Variants in LYPD5 observed in about 807,000 individuals in gnomAD.
LYPD5 encodes the protein ly6/PLAUR domain-containing protein 5.
A neutral mutation model predicts 19.1 loss-of-function variants in LYPD5; 21 were observed. That is an observed-to-expected ratio of 1.10 (90% CI 0.78 to 1.58). The LOEUF (loss-of-function observed/expected upper bound fraction) is 1.58, where lower values mean the gene tolerates loss of function less well. LYPD5 is among the 40% of genes most tolerant of loss of function. The pLI, the probability that LYPD5 is intolerant of heterozygous loss-of-function variation, is 0.00. For synonymous variants in LYPD5, 128 were observed against 142.7 expected, an observed-to-expected ratio of 0.90 and a Z score of 0.74; for missense variants, 287 against 329.8, an observed-to-expected ratio of 0.87 and a Z score of 1.00.
At chr19:43,812,668 G>A (rs555239262) in intron 1 of LYPD5, among the ~76,000 whole-genome samples, 1 of 152,190 alleles carries the variant, frequency 6.6e-6, no homozygotes, top group Admixed American at 6.5e-5. Context: ...AGACCTACAA[G>A]GCCAACTAAT....
At chr19:43,798,428 G>GGCCCTTCC (rs774646184) in intron 4 of LYPD5, 27 bp downstream of exon 4, 7 of 1,602,056 alleles carry the variant, frequency 4.4e-6, no homozygotes, top group Non-Finnish European at 5.1e-6. Flanking sequence ...CCCTTGCCCA[G>GGCCCTTCC]GCCCTTCCAC....
At chr19:43,799,144 G>C in intron 2 of LYPD5, 156 bp from the exon 3 acceptor site, 2 of 769,892 alleles carry the variant, frequency 2.6e-6, no homozygotes, top group Admixed American at 7.0e-5. Flanking sequence ...TTTCCCCCGA[G>C]TTCTTCTCTT....
chr19:43,799,605 A>C, intron 2 of LYPD5, 101 bp downstream of exon 2: 1 of 1,247,038 alleles, frequency 8.0e-7, no homozygotes, highest in East Asian at 2.7e-5. Flanking sequence ...TTCTATCTTT[A>C]TCTTTTCATC....
At chr19:43,798,336 G>GCCT in intron 4 of LYPD5, 119 bp downstream of exon 4, 1 of 1,277,994 alleles carries the variant, frequency 7.8e-7, no homozygotes, top group Admixed American at 1.9e-5. Flanking sequence ...CCAGGGTCAT[G>GCCT]CCTCCCACCT....
chr19:43,810,568 C>T (rs1970313453), intron 1 of LYPD5, among the ~76,000 whole-genome samples: 2 of 111,618 alleles, frequency 1.8e-5, no homozygotes, highest in African/African-American at 6.6e-5. Context: ...CCCCTCCCCT[C>T]CCCTCCCCTC....
Position 43,798,943 on chromosome 19 carries a change from C to A in LYPD5, c.239G>T (p.Gly80Val). ...CGATTGCGTCTGGCCCGCAGGAGGC[C>A]CGGTCCAGCAGCCCTTCCGCACCAG... ...VTLVRKGCWT[G>V]PPAGQTQSNA... The change falls in exon 3 of 5, where the codon GGG becomes GTG. Residue 80 changes from glycine (G) to valine (V), a missense_variant. Physicochemically the swap from Gly to Val is moderately radical, Grantham distance 109. Transcript: ENST00000377950. 6.3e-7 allele frequency: 1 copy of A among 1,590,410 alleles called. No individual in the cohort carries two copies. The highest frequency in any genetic ancestry group is 1.8e-5 in the Admixed American group (1 of 55,868).
At chr19:43,812,366 T>TATCTATCC (rs774373883) in intron 1 of LYPD5, among the ~76,000 whole-genome samples, 2 of 143,762 alleles carry the variant, frequency 1.4e-5, no homozygotes, top group African/African-American at 5.2e-5. Flanking sequence ...TCTATCTATC[T>TATCTATCC]ATCTATCTAT....
chr19:43,806,209 C>T (rs1001242713), upstream of LYPD5, among the ~76,000 whole-genome samples: 1 of 152,214 alleles, frequency 6.6e-6, no homozygotes, highest in Non-Finnish European at 1.5e-5. Flanking sequence ...AGCTCTGTCT[C>T]CTGTCAGATC....
At position 43,798,551 on chromosome 19, in the gene LYPD5, C is replaced by T. The variant is rs1314402673; in HGVS notation, c.421G>A (p.Val141Ile). The change falls in exon 4 of 5, where the codon GTC becomes ATC. Residue 141 changes from valine to isoleucine, a missense_variant. Transcript: ENST00000377950. Reference protein sequence around the residue: ...SGAECYACIGVHQDDCAIGRS... With the variant: ...SGAECYACIGIHQDDCAIGRS... ...CCGATAGCGCAGTCATCCTGGTGGACCCCGATACAGGCGTAGCACTCGGCG... is the reference window on the plus strand; with the variant it reads ...CCGATAGCGCAGTCATCCTGGTGGATCCCGATACAGGCGTAGCACTCGGCG... 2 of 1,611,826 alleles carry T rather than the reference C, an allele frequency of 1.2e-6. No homozygotes were observed. The highest frequency in any genetic ancestry group is 2.2e-5 in the East Asian group (1 of 44,884).
intron 4 of LYPD5, 31 bp downstream of exon 4, chr19:43,798,424 C>A (rs1970167165): frequency 6.2e-7 from 1 of 1,601,158 alleles, no homozygotes; most frequent in South Asian, 1.1e-5. Context: ...ATATCCCTTG[C>A]CCAGGCCCTT....
chr19:43,820,493 CCTT>C, intron 1 of LYPD5: 1 of 151,810 alleles, frequency 6.6e-6, no homozygotes, highest in Middle Eastern at 3.4e-3. Flanking sequence ...CACACTGTCG[CCTT>C]CTTCGGCTGC....
chr19:43,817,344 C>A (rs1223408781), intron 1 of LYPD5, among the ~76,000 whole-genome samples: 1 of 152,158 alleles, frequency 6.6e-6, no homozygotes, highest in African/African-American at 2.4e-5. Context: ...AGTTTCCATT[C>A]AGTGAGTGTT....
At chr19:43,815,524 G>A (rs947322067) in intron 1 of LYPD5, among the ~76,000 whole-genome samples, 1 of 151,424 alleles carries the variant, frequency 6.6e-6, no homozygotes, top group African/African-American at 2.4e-5. Flanking sequence ...GCAGTGAGCT[G>A]TGATCATGCC....
intron 1 of LYPD5, among the ~76,000 whole-genome samples, chr19:43,812,674 C>G (rs1214078021): frequency 2.0e-5 from 3 of 152,152 alleles, no homozygotes; most frequent in Non-Finnish European, 4.4e-5. Flanking sequence ...ACAAGGCCAA[C>G]TAATTAAAAT....
chr19:43,796,892 C>T lies in LYPD5; in HGVS notation c.*699G>A, dbSNP rs755142343. ...ATGTTATAGAGTTTATTTTCACCTC[C>T]ACCTTATAGGTGAGAAAATATTGGC... On this transcript the variant is annotated 3_prime_UTR_variant, in exon 5 of 5. Transcript: ENST00000377950. The T allele has an allele frequency of 7.9e-5, 12 of 152,238 alleles. No individual in the cohort carries two copies. Among genetic ancestry groups the T allele is most frequent in the Non-Finnish European group, 1.5e-4 (10 of 68,050 alleles). The allele number at this position is 152,238 out of a possible 1,614,324, so 9.4% of individuals were successfully genotyped here. A position where few individuals can be genotyped will look rare whatever the true frequency, so the allele number is the denominator to read the frequency against.
chr19:43,817,900 G>T (rs896190489), intron 1 of LYPD5, among the ~76,000 whole-genome samples: 17 of 151,960 alleles, frequency 1.1e-4, no homozygotes, highest in African/African-American at 4.1e-4. Flanking sequence ...TATTTTAGTA[G>T]AGATGAGGTT....
chr19:43,816,074 CTAT>C lies in LYPD5; in HGVS notation c.-66+4463_-66+4465del, dbSNP rs762000081. On this transcript the variant is annotated intron_variant, in intron 1 of 4. Coordinates refer to the LYPD5 transcript ENST00000414615. ...TCTATCTATCTATCTATCTATCTAT[CTAT>C]CTACCTATCATGTATCTATCACTTT... 4.3e-3 allele frequency among the ~76,000 whole-genome samples: 654 copies of C among 151,474 alleles called. 2 individuals carry two copies. Among genetic ancestry groups the C allele is most frequent in the Middle Eastern group, 0.034 (10 of 294 alleles).
chr19:43,806,108 C>T (rs988535048), upstream of LYPD5, among the ~76,000 whole-genome samples: 8 of 152,218 alleles, frequency 5.3e-5, no homozygotes, highest in Non-Finnish European at 1.2e-4. Flanking sequence ...CTGTTAGGAA[C>T]GGGGCCGCAC....
chr19:43,801,461 A>C (rs1970222928), intron 1 of LYPD5, among the ~76,000 whole-genome samples: 1 of 152,144 alleles, frequency 6.6e-6, no homozygotes, highest in Non-Finnish European at 1.5e-5. Context: ...TGATTGTGCC[A>C]CTGCACTCCA....
Sources: allele counts gnomAD v4.1 joint callset (sites outside exome capture counted in the v4.1 genomes callset), GRCh38; gene constraint gnomAD v4.1.1; transcripts MANE v1.5; gene names NCBI Gene and HGNC (gene_info 2026-07-23, HGNC 2026-07-21).